GNG4: variants seen among roughly 807,000 people sequenced by gnomAD.
GNG4 encodes guanine nucleotide-binding protein G(I)/G(S)/G(O) subunit gamma-4.
GNG4 carries 4 observed loss-of-function variants against 5.8 expected under a neutral mutation model. The ratio of observed to expected loss-of-function variants is 0.69; its 90% CI spans 0.34 to 1.57. GNG4 has a LOEUF of 1.57. Ranked by LOEUF, GNG4 falls within the 40% of genes most tolerant of loss-of-function variation. The pLI, the probability that GNG4 is intolerant of heterozygous loss-of-function variation, is 0.06. For synonymous variants in GNG4, 29 were observed against 32.9 expected, an observed-to-expected ratio of 0.88 and a Z score of 0.41; for missense variants, 96 against 95.1, an observed-to-expected ratio of 1.01 and a Z score of -0.04.
chr1:235,593,192 A>G lies in GNG4; in HGVS notation c.-11+2208T>C, dbSNP rs535668717. 7.9e-5 allele frequency among the ~76,000 whole-genome samples: 12 copies of G among 152,002 alleles called. 1 individual carries two copies. The South Asian group carries it at 2.1e-3, about 26-fold the overall frequency. ...TTGAACTCCTGACCTCAGGTCATCC[A>G]CCCGTCTTGGCCTCCCAAATTGCTG... On this transcript the variant is annotated intron_variant, in intron 2 of 3. Coordinates refer to ENST00000391854, the MANE Select transcript of GNG4 (RefSeq NM_001098722.2).
chr1:235,604,369 G>T (rs1181001571), intron 1 of GNG4, among the ~76,000 whole-genome samples: 1 of 152,238 alleles, frequency 6.6e-6, no homozygotes, highest in Non-Finnish European at 1.5e-5. Flanking sequence ...GCTTCCTAGA[G>T]CTGTGGGAAC....
At chr1:235,584,473 C>CA (rs770749298) in intron 2 of GNG4, among the ~76,000 whole-genome samples, 1 of 152,110 alleles carries the variant, frequency 6.6e-6, no homozygotes, top group Non-Finnish European at 1.5e-5. Context: ...GTTGTCCTTC[C>CA]AAAAAGTTTA....
chr1:235,623,511 T>G (rs1341540401), intron 1 of GNG4, among the ~76,000 whole-genome samples: 2 of 152,192 alleles, frequency 1.3e-5, no homozygotes, highest in African/African-American at 4.8e-5. Context: ...GGAGTTGCTT[T>G]TTATATTTTT....
At chr1:235,641,459 G>A (rs1657326463) in intron 1 of GNG4, among the ~76,000 whole-genome samples, 1 of 151,774 alleles carries the variant, frequency 6.6e-6, no homozygotes, top group South Asian at 2.1e-4. Context: ...GGGAGGCCGA[G>A]GCAGGCGGAT....
chr1:235,650,513 G>A (rs1316483793), upstream of GNG4: 1 of 152,340 alleles, frequency 6.6e-6, no homozygotes, highest in Non-Finnish European at 1.5e-5. Flanking sequence ...GGAAGCCTCC[G>A]GCCAAGGCGG....
chr1:235,604,395 G>A (rs961425118), intron 1 of GNG4, among the ~76,000 whole-genome samples: 2 of 152,220 alleles, frequency 1.3e-5, no homozygotes, highest in African/African-American at 4.8e-5. Context: ...ACTACAAACC[G>A]TGTGGTTCTA....
At chr1:235,587,431 AGGGTGGGTG>A (rs1687811019) in intron 2 of GNG4, among the ~76,000 whole-genome samples, 3 of 21,090 alleles carry the variant, frequency 1.4e-4, no homozygotes, top group African/African-American at 6.5e-4. Flanking sequence ...TGTGTGTGTG[AGGGTGGGTG>A]AGCGTGTGTG....
chr1:235,636,902 C>T (rs888798382), intron 1 of GNG4, among the ~76,000 whole-genome samples: 3 of 151,946 alleles, frequency 2.0e-5, no homozygotes, highest in African/African-American at 4.8e-5. Context: ...GTGTGGAGTT[C>T]GAGTGGAAGC....
intron 1 of GNG4, among the ~76,000 whole-genome samples, chr1:235,617,113 G>A (rs1015037651): frequency 1.3e-5 from 2 of 152,032 alleles, no homozygotes; most frequent in African/African-American, 4.8e-5. Context: ...TTTTAACTTG[G>A]TTAGAAATAT....
chr1:235,608,589 C>T (rs1208952891), intron 1 of GNG4, among the ~76,000 whole-genome samples: 1 of 152,224 alleles, frequency 6.6e-6, no homozygotes, highest in African/African-American at 2.4e-5. Flanking sequence ...CAGATTTACC[C>T]ATTCTGGACA....
At chr1:235,587,622 AATGTG>A in intron 2 of GNG4, among the ~76,000 whole-genome samples, 1 of 430 alleles carries the variant, frequency 2.3e-3, no homozygotes, top group African/African-American at 0.011. Context: ...GGGGTGTGTG[AATGTG>A]GGGTGGAGTG....
intron 2 of GNG4, among the ~76,000 whole-genome samples, chr1:235,586,989 T>G (rs1687773527): frequency 6.6e-6 from 1 of 152,068 alleles, no homozygotes; most frequent in Non-Finnish European, 1.5e-5. Context: ...TGTCTTTGAC[T>G]TGGGCATTTA....
At chr1:235,567,770 T>C (rs1028971320) in intron 3 of GNG4, among the ~76,000 whole-genome samples, 6 of 152,204 alleles carry the variant, frequency 3.9e-5, no homozygotes, top group Admixed American at 3.9e-4. Context: ...GCTATTAATA[T>C]GGATGTACAG....
intron 2 of GNG4, among the ~76,000 whole-genome samples, chr1:235,585,004 T>C (rs1687724858): frequency 6.6e-6 from 1 of 152,172 alleles, no homozygotes; most frequent in African/African-American, 2.4e-5. Flanking sequence ...GGTGTCACTT[T>C]CACTGCCCAT....
intron 3 of GNG4, among the ~76,000 whole-genome samples, chr1:235,582,627 T>C (rs899856054): frequency 1.4e-4 from 21 of 152,234 alleles, no homozygotes; most frequent in Non-Finnish European, 2.5e-4. Flanking sequence ...TGGGACCCGC[T>C]GTGTCTTAGA....
intron 1 of GNG4, among the ~76,000 whole-genome samples, chr1:235,624,551 C>G (rs535561754): frequency 1.3e-5 from 2 of 152,282 alleles, no homozygotes; most frequent in Non-Finnish European, 2.9e-5. Context: ...CTGTCATATT[C>G]CAGCTCCTAG....
intron 1 of GNG4, among the ~76,000 whole-genome samples, chr1:235,607,667 G>C (rs1301658669): frequency 3.3e-5 from 5 of 152,228 alleles, no homozygotes; most frequent in African/African-American, 1.2e-4. Flanking sequence ...ACGCCGCCCA[G>C]CCTGACTCCC....
At chr1:235,650,212 G>A (rs1173339878), upstream of GNG4, among the ~76,000 whole-genome samples, 1 of 139,478 alleles carries the variant, frequency 7.2e-6, no homozygotes, top group East Asian at 2.0e-4. Context: ...CCGCGTGGCC[G>A]GGGGACCACT....
chr1:235,578,918 C>T (rs1052100254), intron 3 of GNG4, among the ~76,000 whole-genome samples: 12 of 151,706 alleles, frequency 7.9e-5, no homozygotes, highest in African/African-American at 2.7e-4. Context: ...GCCAACATGG[C>T]GAACCCCGTC....
Sources: gnomAD v4.1 joint callset for allele counts (sites outside exome capture counted in the v4.1 genomes callset) on GRCh38, gnomAD v4.1.1 for gene constraint, MANE v1.5 for transcripts, NCBI Gene and HGNC (gene_info 2026-07-23, HGNC 2026-07-21) for gene names.